Variants in LRTM3 observed in about 807,000 individuals in gnomAD.
The protein encoded by LRTM3 is leucine-rich repeat transmembrane protein 3.
the LRTM3 span, chr13:102,736,898 C>T: frequency 6.4e-7 from 1 of 1,551,024 alleles, no homozygotes; most frequent in Non-Finnish European, 8.7e-7. Flanking sequence ...TTCCATGTGC[C>T]ATGAGGGTGG....
the LRTM3 span, chr13:102,745,951 C>T: frequency 1.3e-6 from 2 of 1,551,158 alleles, no homozygotes; most frequent in East Asian, 4.9e-5. Flanking sequence ...ATTTGACAAG[C>T]TCATTATCCT....
the LRTM3 span, chr13:102,731,561 A>G: frequency 1.3e-6 from 2 of 1,551,442 alleles, no homozygotes; most frequent in Non-Finnish European, 1.7e-6. Flanking sequence ...TGGTGACTTC[A>G]AGTCGTCAGG....
the LRTM3 span, chr13:102,735,961 T>A: frequency 6.5e-7 from 1 of 1,549,134 alleles, no homozygotes; most frequent in Non-Finnish European, 8.7e-7. Context: ...TTCCATTGCA[T>A]AGAAGTGCAA....
chr13:102,730,762 A>G, the LRTM3 span: 4 of 1,551,696 alleles, frequency 2.6e-6, no homozygotes, highest in South Asian at 4.8e-5. Flanking sequence ...TGTTTAACTT[A>G]CTATGTTTGG....
the LRTM3 span, among the ~76,000 whole-genome samples, chr13:102,752,385 A>G: frequency 2.6e-4 from 40 of 152,148 alleles, no homozygotes; most frequent in African/African-American, 7.9e-4. Context: ...CTGCCCTCCA[A>G]TGGCCTGTTT....
chr13:102,740,127 G>C, the LRTM3 span: 1 of 1,548,028 alleles, frequency 6.5e-7, no homozygotes, highest in Non-Finnish European at 8.7e-7. Context: ...TTTGCCTTTT[G>C]TGTTTCTATC....
the LRTM3 span, chr13:102,739,053 A>T: frequency 2.6e-6 from 4 of 1,550,440 alleles, no homozygotes; most frequent in South Asian, 3.6e-5. Flanking sequence ...GATGAAAGAC[A>T]GAATCTTGTT....
chr13:102,731,293 A>G, the LRTM3 span: 1 of 1,551,360 alleles, frequency 6.4e-7, no homozygotes, highest in Non-Finnish European at 8.7e-7. Flanking sequence ...CTAGAGACAT[A>G]AAGTTCATTG....
the LRTM3 span, chr13:102,733,448 T>C: frequency 1 from 1,543,990 of 1,551,324 alleles, 768,639 homozygotes; most frequent in East Asian, 1. Context: ...TCCTTTTGAA[T>C]TTGCAGGGGT....
At chr13:102,733,419 A>T in the LRTM3 span, 28 of 1,551,342 alleles carry the variant, frequency 1.8e-5, no homozygotes, top group African/African-American at 3.7e-4. Context: ...TGGTGAGCGT[A>T]TCTCTCTGAA....
the LRTM3 span, chr13:102,732,602 C>G: frequency 1.3e-6 from 2 of 1,551,034 alleles, no homozygotes; most frequent in South Asian, 2.4e-5. Context: ...CATGATTAGG[C>G]GGCTGTTCTC....
chr13:102,741,790 C>A, the LRTM3 span: 1 of 1,550,422 alleles, frequency 6.4e-7, no homozygotes, highest in Non-Finnish European at 8.7e-7. Context: ...CATCTTTTTC[C>A]TTTGCTCTTT....
chr13:102,736,791 C>T, the LRTM3 span: 1 of 1,551,052 alleles, frequency 6.4e-7, no homozygotes, highest in African/African-American at 1.4e-5. Flanking sequence ...TTTGCTTTAT[C>T]CTTTTGGATC....
chr13:102,746,642 C>T, the LRTM3 span: 1 of 1,551,230 alleles, frequency 6.4e-7, no homozygotes, highest in Non-Finnish European at 8.7e-7. Flanking sequence ...AAATGTTACT[C>T]TCTTTTTCAT....
At chr13:102,757,645 G>A in the LRTM3 span, among the ~76,000 whole-genome samples, 7 of 151,980 alleles carry the variant, frequency 4.6e-5, no homozygotes, top group South Asian at 2.1e-4. Flanking sequence ...TGTCCTTTTC[G>A]GGCTAATGTT....
the LRTM3 span, among the ~76,000 whole-genome samples, chr13:102,752,245 A>C: frequency 1.3e-5 from 2 of 152,206 alleles, no homozygotes; most frequent in African/African-American, 4.8e-5. Flanking sequence ...CATGAGTTCC[A>C]TGGAGAGGAA....
the LRTM3 span, chr13:102,738,677 T>C: frequency 6.4e-7 from 1 of 1,550,534 alleles, no homozygotes; most frequent in African/African-American, 1.4e-5. Flanking sequence ...TGATGACTCT[T>C]GGAGATTTGG....
the LRTM3 span, among the ~76,000 whole-genome samples, chr13:102,754,272 A>T: frequency 6.6e-6 from 1 of 151,570 alleles, no homozygotes; most frequent in Non-Finnish European, 1.5e-5. Context: ...CCAATGTAAG[A>T]TCAGCAGTTT....
At chr13:102,732,707 C>G in the LRTM3 span, 357 of 1,551,158 alleles carry the variant, frequency 2.3e-4, no homozygotes, top group African/African-American at 4.1e-3. Context: ...CATTCTTCCT[C>G]TCTCCTTCTC....
Sources: gnomAD v4.1 joint callset for allele counts (sites outside exome capture counted in the v4.1 genomes callset) on GRCh38, gnomAD v4.1.1 for gene constraint, MANE v1.5 for transcripts, NCBI Gene and HGNC (gene_info 2026-07-23, HGNC 2026-07-21) for gene names.